SNTB1: variants seen among roughly 807,000 people sequenced by gnomAD.
SNTB1 encodes the protein beta-1-syntrophin.
A neutral mutation model predicts 48.9 loss-of-function variants in SNTB1; 36 were observed. The ratio of observed to expected loss-of-function variants is 0.74; its 90% confidence interval spans 0.56 to 0.97. The LOEUF is 0.97. SNTB1 is among the 50% of genes least tolerant of loss of function. The probability of loss-of-function intolerance (pLI) is 0.00; values close to 1 mark genes in which losing one functional copy is unlikely to be tolerated. For missense variants in SNTB1, 786 were observed against 703.4 expected (o/e 1.12, Z -1.33); for synonymous variants, 299 against 294.6 (o/e 1.01, Z -0.15).
At chr8:120,650,779 T>C (rs975739417) in intron 2 of SNTB1, among the ~76,000 whole-genome samples, 1 of 152,150 alleles carries the variant, frequency 6.6e-6, no homozygotes, top group Non-Finnish European at 1.5e-5. Context: ...TGATAGAGAG[T>C]AAAGACATTC....
intron 1 of SNTB1, among the ~76,000 whole-genome samples, chr8:120,729,322 G>A (rs904125705): frequency 1.3e-5 from 2 of 152,122 alleles, no homozygotes; most frequent in South Asian, 2.1e-4. Flanking sequence ...GATGTGAGAT[G>A]GTATTTCACT....
chr8:120,694,933 T>C (rs1323827221), intron 1 of SNTB1, among the ~76,000 whole-genome samples: 2 of 152,164 alleles, frequency 1.3e-5, no homozygotes, highest in Non-Finnish European at 2.9e-5. Flanking sequence ...AAAACAAAAA[T>C]AGCTTAAGAG....
intron 1 of SNTB1, among the ~76,000 whole-genome samples, chr8:120,772,548 G>A (rs1819656073): frequency 6.6e-6 from 1 of 152,082 alleles, no homozygotes; most frequent in Non-Finnish European, 1.5e-5. Context: ...TGCCCAGCCA[G>A]GGGCACACTT....
chr8:120,647,678 A>T (rs1194045349), intron 2 of SNTB1, among the ~76,000 whole-genome samples: 30 of 124,446 alleles, frequency 2.4e-4, no homozygotes, highest in African/African-American at 9.2e-4. Flanking sequence ...GATGTCTATT[A>T]GGTCCACTTG....
chr8:120,545,494 A>G (rs899127839), intron 5 of SNTB1, among the ~76,000 whole-genome samples: 3 of 152,184 alleles, frequency 2.0e-5, no homozygotes, highest in Non-Finnish European at 4.4e-5. Context: ...ACTGCTGACT[A>G]TGAATCTCTA....
At chr8:120,688,522 C>A (rs1354750239) in intron 2 of SNTB1, among the ~76,000 whole-genome samples, 1 of 152,004 alleles carries the variant, frequency 6.6e-6, no homozygotes, top group African/African-American at 2.4e-5. Flanking sequence ...GCTCAAAAAC[C>A]TTATGACTTA....
At chr8:120,789,144 T>C (rs186962158) in intron 1 of SNTB1, among the ~76,000 whole-genome samples, 3 of 152,164 alleles carry the variant, frequency 2.0e-5, no homozygotes, top group Non-Finnish European at 4.4e-5. Context: ...AGAATGATTT[T>C]TGTTTTAACA....
At chr8:120,704,951 C>G (rs1818357376) in intron 1 of SNTB1, among the ~76,000 whole-genome samples, 1 of 152,078 alleles carries the variant, frequency 6.6e-6, no homozygotes. Context: ...GGCTATGATT[C>G]CCATAAGAAA....
intron 1 of SNTB1, among the ~76,000 whole-genome samples, chr8:120,809,534 T>A (rs984758419): frequency 1.3e-5 from 2 of 152,206 alleles, no homozygotes; most frequent in Admixed American, 1.3e-4. Flanking sequence ...TGCCAAGTCA[T>A]TATTCATTAA....
At position 120,640,692 on chromosome 8, in the gene SNTB1, C is replaced by T. The variant is rs370852595; in HGVS notation, c.789-8041G>A. On this transcript the variant is annotated intron_variant, in intron 2 of 6. Transcript: ENST00000517992. ...ATGCTGGATTACATTTATTGATTTGCGTATGTTGAACCAGCCTTGCATCCC... is the reference window on the plus strand; with the variant it reads ...ATGCTGGATTACATTTATTGATTTGTGTATGTTGAACCAGCCTTGCATCCC... Among the ~76,000 whole-genome samples, 50 of 152,162 alleles carry T rather than the reference C, an allele frequency of 3.3e-4. 1 individual carries two copies. The highest frequency in any genetic ancestry group is 3.1e-3 in the South Asian group (15 of 4,822).
intron 2 of SNTB1, among the ~76,000 whole-genome samples, chr8:120,659,731 C>A (rs1438285024): frequency 6.6e-6 from 1 of 152,176 alleles, no homozygotes; most frequent in Non-Finnish European, 1.5e-5. Context: ...GTATCTAGTT[C>A]TCCTGTGCTA....
intron 3 of SNTB1, among the ~76,000 whole-genome samples, chr8:120,620,855 G>T (rs1195478473): frequency 6.6e-6 from 1 of 151,744 alleles, no homozygotes; most frequent in African/African-American, 2.4e-5. Flanking sequence ...ATCCAACTGG[G>T]TTAAAATGCA....
At chr8:120,749,725 G>A (rs893807384) in intron 1 of SNTB1, among the ~76,000 whole-genome samples, 20 of 152,186 alleles carry the variant, frequency 1.3e-4, no homozygotes, top group African/African-American at 4.3e-4. Flanking sequence ...TTACATTTCC[G>A]CTGCAAGTCT....
chr8:120,603,126 G>A (rs770978771), intron 3 of SNTB1, among the ~76,000 whole-genome samples: 9 of 149,934 alleles, frequency 6.0e-5, no homozygotes, highest in African/African-American at 9.8e-5. Flanking sequence ...TTTTTGAGAC[G>A]GGGTTTCGCT....
At chr8:120,727,530 G>T (rs920844104) in intron 1 of SNTB1, among the ~76,000 whole-genome samples, 1 of 152,128 alleles carries the variant, frequency 6.6e-6, no homozygotes, top group African/African-American at 2.4e-5. Flanking sequence ...GCAGTGCTTC[G>T]TACAGTGCCT....
chr8:120,723,793 T>C (rs904525697), intron 1 of SNTB1, among the ~76,000 whole-genome samples: 7 of 152,202 alleles, frequency 4.6e-5, no homozygotes, highest in East Asian at 1.9e-4. Flanking sequence ...ACATGAAATG[T>C]GTTTAGAACC....
chr8:120,611,298 G>A (rs1375662728), intron 3 of SNTB1, among the ~76,000 whole-genome samples: 1 of 152,042 alleles, frequency 6.6e-6, no homozygotes, highest in Non-Finnish European at 1.5e-5. Flanking sequence ...TGCAGAAGAG[G>A]GAGAAAAGGG....
At chr8:120,779,606 C>G (rs1381267466) in intron 1 of SNTB1, among the ~76,000 whole-genome samples, 3 of 152,124 alleles carry the variant, frequency 2.0e-5, no homozygotes, top group East Asian at 3.8e-4. Flanking sequence ...AATCTAGAAA[C>G]AGGATAAGAT....
chr8:120,736,852 A>G (rs1259884188), intron 1 of SNTB1, among the ~76,000 whole-genome samples: 1 of 152,180 alleles, frequency 6.6e-6, no homozygotes, highest in Non-Finnish European at 1.5e-5. Flanking sequence ...TATCCTAATC[A>G]CACCTGGGGG....
Sources: gnomAD v4.1 joint callset for allele counts (sites outside exome capture counted in the v4.1 genomes callset) on GRCh38, gnomAD v4.1.1 for gene constraint, MANE v1.5 for transcripts, NCBI Gene and HGNC (gene_info 2026-07-23, HGNC 2026-07-21) for gene names.